Variants in OVCH2 observed in about 807,000 individuals in gnomAD.
OVCH2 encodes ovochymase-2.
In OVCH2, 88 loss-of-function variants were observed where a neutral mutation model predicts 73.7. The observed-to-expected ratio is 1.19, with a 90% CI of 1.01 to 1.43. The LOEUF (loss-of-function observed/expected upper bound fraction) is 1.43. Among genes scored for constraint, OVCH2 ranks in the 40% most tolerant of loss-of-function variants. OVCH2 has a pLI of 0.00. For synonymous variants in OVCH2, 265 were observed against 234.5 expected (o/e 1.13, Z -1.19); for missense variants, 706 against 674.5 (o/e 1.05, Z -0.52).
intron 9 of OVCH2, 37 bp downstream of exon 9, chr11:7,696,672 G>A (rs377088589): frequency 6.2e-7 from 1 of 1,613,676 alleles, no homozygotes; most frequent in Non-Finnish European, 8.5e-7. Flanking sequence ...GACCGGAGGT[G>A]GGAGTAAGGA....
At chr11:7,687,995 G>C (rs1401012471), downstream of OVCH2, among the ~76,000 whole-genome samples, 1 of 152,044 alleles carries the variant, frequency 6.6e-6, no homozygotes, top group Non-Finnish European at 1.5e-5. Context: ...ATCTCCCCAA[G>C]GACCCACTCC....
At chr11:7,681,132 T>A in the OVCH2 span, among the ~76,000 whole-genome samples, 2 of 152,188 alleles carry the variant, frequency 1.3e-5, no homozygotes, top group Admixed American at 1.3e-4. Flanking sequence ...CTCGGAGGAC[T>A]AGTACAGTTG....
chr11:7,697,204 T>C (rs1346275564), intron 8 of OVCH2, among the ~76,000 whole-genome samples: 1 of 152,154 alleles, frequency 6.6e-6, no homozygotes, highest in Non-Finnish European at 1.5e-5. Flanking sequence ...ACCCGGCTAA[T>C]TTTTTGAAGA....
In OVCH2 at chr11:7,706,319, A is replaced by G; in HGVS notation, c.76T>C (p.Ser26Pro). Residue 26 changes from serine (S) to proline (P), a missense_variant, in exon 1 of 16, where the codon TCG (serine) becomes CCG (proline). Physicochemically the swap from Ser to Pro is moderately conservative, Grantham distance 74 (BLOSUM62 -1). Transcript: ENST00000533663. ...ATTTGAAACTTACCTTTGGGGAGCG[A>G]AAGAGTTGCAGATTTACCTCGTTCA... is the stretch of plus-strand genomic sequence containing the variant. The part of the protein sequence containing the change: ...FFERGKSATL[S>P]LPKAPSCGQS... The G allele has an allele frequency of 6.3e-7, 1 of 1,588,534 alleles. No individual in the cohort carries two copies. Among genetic ancestry groups the G allele is most frequent in the Non-Finnish European group, 8.6e-7 (1 of 1,166,052 alleles).
At chr11:7,688,511 G>A (rs1310682028), downstream of OVCH2, among the ~76,000 whole-genome samples, 1 of 152,044 alleles carries the variant, frequency 6.6e-6, no homozygotes, top group East Asian at 1.9e-4. Flanking sequence ...TGCATCATGA[G>A]GTCATTGTCA....
chr11:7,700,992 A>G (rs1279139834), intron 6 of OVCH2, among the ~76,000 whole-genome samples: 1 of 152,102 alleles, frequency 6.6e-6, no homozygotes, highest in Non-Finnish European at 1.5e-5. Context: ...CTAAAAACAG[A>G]TTGTTTCCAC....
chr11:7,694,698 A>G (rs1589874601), intron 12 of OVCH2, among the ~76,000 whole-genome samples: 1 of 151,012 alleles, frequency 6.6e-6, no homozygotes. Context: ...GCTCATTGCA[A>G]CCTCCATCTC....
chr11:7,691,413 C>A lies in OVCH2; in HGVS notation c.1508-13G>T, dbSNP rs761189694. 2.5e-6 allele frequency: 4 copies of A among 1,607,396 alleles called. No homozygotes were observed. In the African/African-American group the frequency reaches 4.0e-5, roughly 16 times the overall value. On this transcript the variant is annotated splice_polypyrimidine_tract_variant and intron_variant, in intron 13 of 15. Coordinates refer to ENST00000533663, the MANE Select transcript of OVCH2 (RefSeq NM_198185.7). Reference sequence around the variant, plus strand: ...CCACACAGCCGAGCTTGTTGAAGGCCAGCCCAGGCATGACATTGTCAAGCA... The same window carrying A: ...CCACACAGCCGAGCTTGTTGAAGGCAAGCCCAGGCATGACATTGTCAAGCA...
the OVCH2 span, among the ~76,000 whole-genome samples, chr11:7,681,853 CAAAAAAAAAAAAA>C: frequency 2.2e-5 from 2 of 93,008 alleles, no homozygotes; most frequent in African/African-American, 3.5e-5. Flanking sequence ...GGGAAATGTC[CAAAAAAAAAAAAA>C]AAAAAAGAAA....
downstream of OVCH2, among the ~76,000 whole-genome samples, chr11:7,686,847 C>CTTAT (rs1362698695): frequency 7.2e-5 from 11 of 152,194 alleles, no homozygotes; most frequent in Admixed American, 7.2e-4. Context: ...GTCACAGCAG[C>CTTAT]TTCACCCAGA....
At position 7,689,538 on chromosome 11, in the gene OVCH2, G is replaced by C; in HGVS notation, c.*96C>G. 2.3e-6 allele frequency: 1 copy of C among 438,328 alleles called. No homozygotes were observed. The highest frequency in any genetic ancestry group is 1.6e-5 in the South Asian group (1 of 60,718). The allele number at this position is 438,328 out of a possible 1,614,324, so 27.2% of individuals were successfully genotyped here. ...GGCTCTGTCTGAGGGCTGTGACGAG[G>C]AGTCTGCCCCAAGCCTCTCCTCTAG... On this transcript the variant is annotated 3_prime_UTR_variant, in exon 16 of 16. Coordinates refer to ENST00000533663, the MANE Select transcript of OVCH2 (RefSeq NM_198185.7).
At chr11:7,688,744 T>C (rs994117551), downstream of OVCH2, among the ~76,000 whole-genome samples, 2 of 152,240 alleles carry the variant, frequency 1.3e-5, no homozygotes, top group African/African-American at 4.8e-5. Context: ...TCCTCACCAC[T>C]GTATTTTCCA....
In OVCH2 at chr11:7,689,947, G is replaced by A; in HGVS notation, c.*8C>T. On this transcript the variant is annotated 3_prime_UTR_variant, in exon 15 of 16. Transcript: ENST00000533663. The stretch of plus-strand genomic sequence containing the variant: ...ACCAGAAACATTGGTTTCTCCATTT[G>A]GCACATCTCATGTCTCCAGAAACAT... 1 of 1,518,378 alleles carries A rather than the reference G, an allele frequency of 6.6e-7. No homozygotes were observed. Among genetic ancestry groups the A allele is most frequent in the Non-Finnish European group, 8.8e-7 (1 of 1,130,900 alleles). 94.1% of individuals were successfully genotyped at this position (1,518,378 alleles called of 1,614,324 possible). A position where few individuals can be genotyped will look rare whatever the true frequency, so the allele number is the denominator to read the frequency against.
At chr11:7,687,307 GAAATAATAATAATAA>G (rs1565164509), downstream of OVCH2, among the ~76,000 whole-genome samples, 1 of 92,918 alleles carries the variant, frequency 1.1e-5, no homozygotes, top group African/African-American at 5.6e-5. Flanking sequence ...GATGGCTGTG[GAAATAATAATAATAA>G]TAATAATAAT....
At chr11:7,689,653 C>G in intron 15 of OVCH2, 51 bp from the exon 16 acceptor site, 1 of 535,394 alleles carries the variant, frequency 1.9e-6, no homozygotes, top group Non-Finnish European at 3.6e-6. Context: ...ACACGATATT[C>G]TCCCTGTGTG....
Position 7,700,352 on chromosome 11 carries a change from C to A in OVCH2, c.845G>T (p.Gly282Val), listed in dbSNP as rs1213842616. The part of the protein sequence containing the change: ...NVRKSDQGSP[G>V]IFTDISKVLP... ...CACTTTACTAATGTCTGTGAAGATC[C>A]CAGGGGATCCTTGATCACTTTTCCT... The change falls in exon 7 of 16, where the codon GGG becomes GTG. Residue 282 changes from glycine (G) to valine (V), a missense_variant. Coordinates refer to ENST00000533663, the MANE Select transcript of OVCH2 (RefSeq NM_198185.7). 3.1e-6 allele frequency: 5 copies of A among 1,613,582 alleles called. No homozygotes were observed. The African/African-American group carries it at 6.7e-5, about 22-fold the overall frequency.
Position 7,701,477 on chromosome 11 carries a change from T to A in OVCH2, c.560-2A>T. On this transcript the variant is annotated splice_acceptor_variant, in intron 5 of 15. Transcript: ENST00000533663. LOFTEE classifies it high-confidence loss of function. ...GCAAGACTTGTGAGAGGACGCCACC[T>A]GAAAAACAGAGAGATGGAAGCCCCA... 1.2e-6 allele frequency: 2 copies of A among 1,608,148 alleles called. No homozygotes were observed. The highest frequency in any genetic ancestry group is 1.7e-6 in the Non-Finnish European group (2 of 1,177,804).
intron 13 of OVCH2, among the ~76,000 whole-genome samples, chr11:7,691,602 A>C (rs1266490069): frequency 6.6e-6 from 1 of 152,232 alleles, no homozygotes; most frequent in Non-Finnish European, 1.5e-5. Flanking sequence ...GAACACTCCC[A>C]CACACAATGA....
At chr11:7,693,519 T>C (rs567003345) in intron 12 of OVCH2, among the ~76,000 whole-genome samples, 1 of 152,316 alleles carries the variant, frequency 6.6e-6, no homozygotes, top group East Asian at 1.9e-4. Context: ...ACTTTACTTA[T>C]TGAAGAGATA....
Sources: gnomAD v4.1 joint callset for allele counts (sites outside exome capture counted in the v4.1 genomes callset) on GRCh38, gnomAD v4.1.1 for gene constraint, MANE v1.5 for transcripts, NCBI Gene and HGNC (gene_info 2026-07-23, HGNC 2026-07-21) for gene names.